XKR4: variants seen among roughly 807,000 people sequenced by gnomAD.
The protein encoded by XKR4 is XK related 4, also known as XK-related protein 4.
Under a neutral mutation model 53.9 loss-of-function variants are expected in XKR4, and 12 were observed. The observed-to-expected ratio is 0.22, with a 90% CI of 0.14 to 0.36. The LOEUF is 0.36. Among genes scored for constraint, XKR4 ranks in the 10% least tolerant of loss-of-function variants. The pLI, the probability that XKR4 is intolerant of heterozygous loss-of-function variation, is 1.00. For missense variants in XKR4, 799 were observed against 859.5 expected (o/e 0.93, Z 0.88); for synonymous variants, 354 against 362.4 (o/e 0.98, Z 0.26).
At chr8:55,371,740 A>G (rs57549800) in intron 2 of XKR4, among the ~76,000 whole-genome samples, 3,258 of 152,282 alleles carry the variant, frequency 0.021, 101 homozygotes, top group African/African-American at 0.07. Context: ...CACATTCAGT[A>G]GTCTCTTGAG....
At position 55,518,647 on chromosome 8, in the gene XKR4, C is replaced by T. The variant is rs138231218; in HGVS notation, c.1007-4634C>T. Among the ~76,000 whole-genome samples the T allele has an allele frequency of 9.2e-5, 14 of 152,184 alleles. No individual in the cohort carries two copies. The East Asian group carries it at 2.7e-3, about 29-fold the overall frequency. Reference sequence around the variant, plus strand: ...GCTTCCAGGTATTTCATCGTAGGCCCGTGGGGTTTCAGGTCTCACAGTCAG... The same window carrying T: ...GCTTCCAGGTATTTCATCGTAGGCCTGTGGGGTTTCAGGTCTCACAGTCAG... On this transcript the variant is annotated intron_variant, in intron 2 of 2. Transcript: ENST00000327381.
At chr8:55,423,047 T>C (rs1055889438) in intron 2 of XKR4, among the ~76,000 whole-genome samples, 13 of 152,060 alleles carry the variant, frequency 8.5e-5, no homozygotes, top group African/African-American at 3.1e-4. Flanking sequence ...CATAATCTAT[T>C]AAATCAACAA....
rs201692774 is a variant in XKR4, at chr8:55,275,198, ATAAT to A, written c.807-82475_807-82472del. ...TCATTTCAAATTTCTATTTTAATAG[ATAAT>A]TAATAGGAGCAAAATGTCTAATAAT... On this transcript the variant is annotated intron_variant, in intron 1 of 2. Coordinates refer to ENST00000327381, the MANE Select transcript of XKR4 (RefSeq NM_052898.2). Among the ~76,000 whole-genome samples the A allele has an allele frequency of 4.2e-3, 638 of 152,314 alleles. 8 individuals are homozygous for A. The highest frequency in any genetic ancestry group is 0.014 in the African/African-American group (596 of 41,574).
At chr8:55,353,536 A>G (rs1803755921) in intron 1 of XKR4, among the ~76,000 whole-genome samples, 1 of 152,252 alleles carries the variant, frequency 6.6e-6, no homozygotes, top group African/African-American at 2.4e-5. Flanking sequence ...TCAGACTTCC[A>G]GTCTTCAGAA....
In XKR4 at chr8:55,102,637, C is replaced by CCGGGGGCGGCTGCTGCCCGGA. The variant is rs1209000913; in HGVS notation, c.153_173dup (p.Cys55_Cys61dup). Reference sequence around the variant, plus strand: ...TCGGGAGCCGAGGACGAGGAGGCGGCCGGGGGCGGCTGCTGCCCGGACGGC... The same window carrying CCGGGGGCGGCTGCTGCCCGGA: ...TCGGGAGCCGAGGACGAGGAGGCGGCCGGGGGCGGCTGCTGCCCGGACGGGGGCGGCTGCTGCCCGGACGGC... On this transcript the variant is annotated inframe_insertion, in exon 1 of 3. Coordinates refer to ENST00000327381, the MANE Select transcript of XKR4 (RefSeq NM_052898.2). The surrounding 1 kb of genome is among the most constrained non-coding windows in gnomAD (Gnocchi z 5.1). 7.3e-7 allele frequency: 1 copy of CCGGGGGCGGCTGCTGCCCGGA among 1,364,512 alleles called. No homozygotes were observed. Among genetic ancestry groups the CCGGGGGCGGCTGCTGCCCGGA allele is most frequent in the African/African-American group, 1.5e-5 (1 of 66,986 alleles). 84.5% of individuals were successfully genotyped at this position (1,364,512 alleles called of 1,614,324 possible).
chr8:55,507,266 A>G (rs1276306819), intron 2 of XKR4, among the ~76,000 whole-genome samples: 1 of 152,206 alleles, frequency 6.6e-6, no homozygotes, highest in Non-Finnish European at 1.5e-5. Flanking sequence ...CTTCTTTAAT[A>G]CTATCAAAGC....
chr8:55,310,255 A>G (rs1206473463), intron 1 of XKR4, among the ~76,000 whole-genome samples: 2 of 152,196 alleles, frequency 1.3e-5, no homozygotes, highest in African/African-American at 4.8e-5. Flanking sequence ...TAAATCGGAG[A>G]AAATATGCAT....
At chr8:55,256,849 A>G (rs78815254) in intron 1 of XKR4, among the ~76,000 whole-genome samples, 6,828 of 152,296 alleles carry the variant, frequency 0.045, 222 homozygotes, top group Middle Eastern at 0.088. Flanking sequence ...CTGTATAACA[A>G]AATTTCTTAG....
intron 2 of XKR4, among the ~76,000 whole-genome samples, chr8:55,438,993 G>T (rs1585573117): frequency 6.6e-6 from 1 of 152,122 alleles, no homozygotes; most frequent in Non-Finnish European, 1.5e-5. Flanking sequence ...GGGAAAACTA[G>T]GACGGGGGTG....
chr8:55,460,301 A>G (rs1215778908), intron 2 of XKR4, among the ~76,000 whole-genome samples: 2 of 152,220 alleles, frequency 1.3e-5, no homozygotes, highest in South Asian at 2.1e-4. Flanking sequence ...GCAAACAGGC[A>G]TGAGGGATTT....
chr8:55,501,806 T>C (rs919233816), intron 2 of XKR4, among the ~76,000 whole-genome samples: 2 of 152,164 alleles, frequency 1.3e-5, no homozygotes, highest in Admixed American at 6.5e-5. Context: ...ACAAATATCT[T>C]TTTGAGTCCC....
At chr8:55,236,488 A>G (rs927310765) in intron 1 of XKR4, among the ~76,000 whole-genome samples, 4 of 152,176 alleles carry the variant, frequency 2.6e-5, no homozygotes, top group Admixed American at 2.0e-4. Context: ...TGCTTCCCAG[A>G]GGAAAAACAG....
At chr8:55,124,594 T>A (rs2129352338) in intron 1 of XKR4, among the ~76,000 whole-genome samples, 1 of 152,350 alleles carries the variant, frequency 6.6e-6, no homozygotes, top group Non-Finnish European at 1.5e-5. Context: ...AACATCAGAG[T>A]AAGCGTTGAG....
At chr8:55,266,510 G>A (rs1818603655) in intron 1 of XKR4, among the ~76,000 whole-genome samples, 1 of 152,088 alleles carries the variant, frequency 6.6e-6, no homozygotes, top group Admixed American at 6.5e-5. Context: ...AGAAGGAGAG[G>A]CATCCAGCCC....
intron 2 of XKR4, among the ~76,000 whole-genome samples, chr8:55,381,712 C>T (rs897369256): frequency 3.3e-5 from 5 of 152,188 alleles, no homozygotes; most frequent in African/African-American, 7.2e-5. Flanking sequence ...TCCAGAAACA[C>T]CCTCATAGAC....
intron 2 of XKR4, among the ~76,000 whole-genome samples, chr8:55,401,624 C>T (rs1804602916): frequency 6.6e-6 from 1 of 152,222 alleles, no homozygotes; most frequent in Admixed American, 6.5e-5. Context: ...AGGCAGGCTG[C>T]TTGCCAACAC....
intron 2 of XKR4, among the ~76,000 whole-genome samples, chr8:55,418,663 T>C (rs1804883552): frequency 6.6e-6 from 1 of 152,140 alleles, no homozygotes; most frequent in Admixed American, 6.5e-5. Context: ...CTCACTCCTC[T>C]ATTCAAAATC....
At chr8:55,103,390 A>G (rs1563456884) in intron 1 of XKR4, 96 bp downstream of exon 1, 2 of 1,500,714 alleles carry the variant, frequency 1.3e-6, no homozygotes, top group Non-Finnish European at 1.8e-6. Context: ...TTGCTTTGGT[A>G]GTAACCCTAG....
intron 1 of XKR4, among the ~76,000 whole-genome samples, chr8:55,311,182 G>C (rs1431670355): frequency 1.3e-5 from 2 of 152,214 alleles, no homozygotes; most frequent in East Asian, 3.8e-4. Context: ...AGGGACCCAA[G>C]GGAAAACCAG....
Sources: allele counts gnomAD v4.1 joint callset (sites outside exome capture counted in the v4.1 genomes callset), GRCh38; gene constraint gnomAD v4.1.1; non-coding constraint Gnocchi (gnomAD v3.1); transcripts MANE v1.5; gene names NCBI Gene and HGNC (gene_info 2026-07-23, HGNC 2026-07-21).